The following ABLIM1 variants were observed in gnomAD, a reference collection of about 807,000 sequenced individuals.
ABLIM1 encodes the protein actin binding LIM protein 1.
ABLIM1 carries 40 observed loss-of-function variants against 107.0 expected under a neutral mutation model. The observed-to-expected ratio is 0.37, with a 90% CI of 0.29 to 0.49. The LOEUF (loss-of-function observed/expected upper bound fraction) is 0.49. ABLIM1 is among the 20% of genes least tolerant of loss of function. ABLIM1 has a pLI of 0.97. For missense variants in ABLIM1, 857 were observed against 1,008.5 expected (o/e 0.85, Z 2.04); for synonymous variants, 357 against 357.3 (o/e 1.00, Z 0.01).
chr10:114,517,919 G>C (rs2136297748), intron 6 of ABLIM1, among the ~76,000 whole-genome samples: 1 of 152,174 alleles, frequency 6.6e-6, no homozygotes, highest in South Asian at 2.1e-4. Context: ...GGGACCATGT[G>C]AGACGAACAA....
chr10:114,681,174 AGCCATTT>A (rs918040556), intron 1 of ABLIM1, among the ~76,000 whole-genome samples: 3 of 152,028 alleles, frequency 2.0e-5, no homozygotes, highest in African/African-American at 7.3e-5. Context: ...AGACCATTTT[AGCCATTT>A]TATATATTTT....
chr10:114,686,806 T>TA (rs58954727), upstream of ABLIM1, among the ~76,000 whole-genome samples: 1 of 151,898 alleles, frequency 6.6e-6, no homozygotes, highest in Non-Finnish European at 1.5e-5. Flanking sequence ...TTTTTTTTTT[T>TA]AATAGAGACA....
chr10:114,756,885 T>C (rs772406852), intron 1 of ABLIM1, among the ~76,000 whole-genome samples: 18 of 152,302 alleles, frequency 1.2e-4, no homozygotes, highest in Non-Finnish European at 2.5e-4. Flanking sequence ...ATCGTGCCAC[T>C]GGACACGTTG....
chr10:114,485,300 C>T, intron 8 of ABLIM1: 1 of 1,608,632 alleles, frequency 6.2e-7, no homozygotes. Context: ...TGCCAACCTG[C>T]AGAGACGGAG....
intron 12 of ABLIM1, among the ~76,000 whole-genome samples, chr10:114,456,915 T>G: frequency 7.2e-6 from 1 of 138,380 alleles, no homozygotes; most frequent in African/African-American, 2.9e-5. Flanking sequence ...AACATTCACC[T>G]CTCTAGTTGT....
Position 114,473,000 on chromosome 10 carries a change from G to C in ABLIM1, c.1252C>G (p.Gln418Glu). 1 of 1,605,774 alleles carries C rather than the reference G, an allele frequency of 6.2e-7. No individual in the cohort carries two copies. Among genetic ancestry groups the C allele is most frequent in the Non-Finnish European group, 8.5e-7 (1 of 1,175,562 alleles). Reference protein sequence around the residue: ...PFYTSGYDDKQERQSLGESPR... With the variant: ...PFYTSGYDDKEERQSLGESPR... Reference sequence around the variant, plus strand: ...ACCTCTCCAAGGCTCTGTCTCTCCTGTTTGTCATCATAGCCCGAAGTGTAG... The same window carrying C: ...ACCTCTCCAAGGCTCTGTCTCTCCTCTTTGTCATCATAGCCCGAAGTGTAG... Residue 418 changes from glutamine to glutamate, a missense_variant, in exon 10 of 23, where the codon CAG (glutamine) becomes GAG (glutamate). By Grantham distance (29) the Gln-to-Glu change is conservative. Around this residue, in one of 5 missense-constraint regions of ABLIM1, gnomAD observed 381 missense variants for 506.9 expected, o/e 0.75. Coordinates refer to ENST00000533213, the MANE Select transcript of ABLIM1 (RefSeq NM_002313.7).
intron 2 of ABLIM1, among the ~76,000 whole-genome samples, chr10:114,586,256 C>A (rs1373333816): frequency 8.2e-6 from 1 of 122,474 alleles, no homozygotes; most frequent in Non-Finnish European, 2.1e-5. Context: ...ACCTAACAGA[C>A]AATTTCCATT....
intron 5 of ABLIM1, among the ~76,000 whole-genome samples, 165 bp from the exon 6 acceptor site, chr10:114,545,263 C>T (rs2067173013): frequency 6.6e-6 from 1 of 152,188 alleles, no homozygotes; most frequent in Non-Finnish European, 1.5e-5. Context: ...CAGACAGGAT[C>T]AAAACCACAA....
intron 6 of ABLIM1, chr10:114,526,489 A>G (rs1308279482): frequency 3.2e-6 from 1 of 313,720 alleles, no homozygotes; most frequent in Non-Finnish European, 4.6e-6. Flanking sequence ...AGGAAAACAA[A>G]AAGTTTACAT....
chr10:114,787,641 G>A, the ABLIM1 span, among the ~76,000 whole-genome samples: 465 of 107,806 alleles, frequency 4.3e-3, 3 homozygotes, highest in Middle Eastern at 0.027. Context: ...GCCTCTGCCC[G>A]GCCGCCCCTA....
At chr10:114,502,760 A>C (rs2135646979) in intron 6 of ABLIM1, among the ~76,000 whole-genome samples, 1 of 152,224 alleles carries the variant, frequency 6.6e-6, no homozygotes, top group South Asian at 2.1e-4. Flanking sequence ...CCAAATTTTT[A>C]AGTAAAATTA....
rs758416758 is a variant in ABLIM1 at position 114,465,786 on chromosome 10, C to T, written c.1353G>A (p.Thr451=). 7.4e-6 allele frequency: 12 copies of T among 1,614,086 alleles called. No homozygotes were observed. In the East Asian group the frequency reaches 1.3e-4, roughly 18 times the overall value. Residue 451 remains threonine, a synonymous_variant, in exon 12 of 23, where the codon ACG becomes ACA. Coordinates refer to ENST00000533213, the MANE Select transcript of ABLIM1 (RefSeq NM_002313.7). Reference sequence around the variant, plus strand: ...CAGGGGAGTTGATGGAGCCCTGGCTCGTGGACCGATGGATCATCCGATCCC... The same window carrying T: ...CAGGGGAGTTGATGGAGCCCTGGCTTGTGGACCGATGGATCATCCGATCCC... ...DVRDRMIHRS[T]SQGSINSPVY...
At chr10:114,466,802 C>T (rs1176269505) in intron 11 of ABLIM1, among the ~76,000 whole-genome samples, 4 of 152,102 alleles carry the variant, frequency 2.6e-5, no homozygotes, top group Non-Finnish European at 5.9e-5. Context: ...TTTCATAGTA[C>T]TACTATTCAT....
chr10:114,645,331 T>C (rs2141000681), intron 1 of ABLIM1, among the ~76,000 whole-genome samples: 1 of 152,278 alleles, frequency 6.6e-6, no homozygotes, highest in South Asian at 2.1e-4. Flanking sequence ...GACTTCCCAA[T>C]GGATTGAGAA....
intron 1 of ABLIM1, among the ~76,000 whole-genome samples, chr10:114,720,695 A>G (rs1474623572): frequency 6.6e-6 from 1 of 152,114 alleles, no homozygotes; most frequent in Non-Finnish European, 1.5e-5. Context: ...TGGATCAACT[A>G]TGGGAGTAAC....
At chr10:114,742,740 C>T (rs1274905653) in intron 1 of ABLIM1, among the ~76,000 whole-genome samples, 1 of 152,090 alleles carries the variant, frequency 6.6e-6, no homozygotes, top group African/African-American at 2.4e-5. Context: ...ACCAGCCTGG[C>T]AAACCTCGAG....
At chr10:114,793,989 G>A in the ABLIM1 span, among the ~76,000 whole-genome samples, 1 of 152,194 alleles carries the variant, frequency 6.6e-6, no homozygotes, top group African/African-American at 2.4e-5. Flanking sequence ...TCACGCAGCA[G>A]CCAGAAGTGA....
chr10:114,489,983 G>A (rs2058707006), intron 7 of ABLIM1, among the ~76,000 whole-genome samples: 1 of 152,202 alleles, frequency 6.6e-6, no homozygotes, highest in African/African-American at 2.4e-5. Flanking sequence ...GAACCACTCT[G>A]AATTGCAGAG....
At chr10:114,572,040 A>T (rs575673033) in intron 3 of ABLIM1, among the ~76,000 whole-genome samples, 32 of 152,336 alleles carry the variant, frequency 2.1e-4, no homozygotes, top group African/African-American at 7.5e-4. Context: ...TTCATAGTAG[A>T]TATTCATCAA....
Sources: gnomAD v4.1 joint callset for allele counts (sites outside exome capture counted in the v4.1 genomes callset) on GRCh38, gnomAD v4.1.1 for gene constraint, gnomAD v4.1.1 regional missense constraint, MANE v1.5 for transcripts, NCBI Gene and HGNC (gene_info 2026-07-23, HGNC 2026-07-21) for gene names.